Variants in SCNN1B observed in about 807,000 individuals in gnomAD.
SCNN1B encodes epithelial sodium channel subunit beta.
A neutral mutation model predicts 65.3 loss-of-function variants in SCNN1B; 46 were observed. The observed-to-expected ratio is 0.70, with a 90% confidence interval of 0.56 to 0.90. The LOEUF is 0.90. Ranked by LOEUF, SCNN1B falls within the 40% of genes least tolerant of loss-of-function variation. The pLI is 0.00. For missense variants in SCNN1B, 751 were observed against 830.5 expected (o/e 0.90, Z 1.18); for synonymous variants, 349 against 330.6 (o/e 1.06, Z -0.60).
intron 1 of SCNN1B, among the ~76,000 whole-genome samples, chr16:23,332,784 C>A (rs1961841013): frequency 6.6e-6 from 1 of 152,112 alleles, no homozygotes; most frequent in Admixed American, 6.6e-5. Flanking sequence ...GAAAAGTGGC[C>A]TTGTTGGCCA....
chr16:23,377,796 T>C (rs1255968668), intron 10 of SCNN1B, among the ~76,000 whole-genome samples: 1 of 138,072 alleles, frequency 7.2e-6, no homozygotes, highest in Admixed American at 7.3e-5. Context: ...CTTCCTTCTT[T>C]CCTTCCTTCC....
chr16:23,310,991 T>A (rs1961329355), intron 1 of SCNN1B, among the ~76,000 whole-genome samples: 1 of 151,970 alleles, frequency 6.6e-6, no homozygotes, highest in South Asian at 2.1e-4. Context: ...GATGAGGGAG[T>A]CCAGGGAGTG....
chr16:23,324,700 C>CCA (rs1380494902), intron 1 of SCNN1B, among the ~76,000 whole-genome samples: 1 of 152,148 alleles, frequency 6.6e-6, no homozygotes. Context: ...CTACCCCACC[C>CCA]CACACACACA....
intron 1 of SCNN1B, among the ~76,000 whole-genome samples, chr16:23,322,586 C>T (rs1213968068): frequency 1.3e-5 from 2 of 152,126 alleles, no homozygotes; most frequent in African/African-American, 2.4e-5. Context: ...GCTGGCATTA[C>T]AGGCGTGAGC....
At chr16:23,328,943 G>A (rs1294740167) in intron 1 of SCNN1B, among the ~76,000 whole-genome samples, 1 of 151,594 alleles carries the variant, frequency 6.6e-6, no homozygotes, top group African/African-American at 2.4e-5. Context: ...CTACAGGCAC[G>A]CACCACCATA....
chr16:23,339,195 T>A (rs13330278), intron 1 of SCNN1B, among the ~76,000 whole-genome samples: 9,308 of 152,244 alleles, frequency 0.061, 972 homozygotes, highest in African/African-American at 0.21. Context: ...GTTTTATGTA[T>A]CAATAGTTGG....
At chr16:23,291,860 C>T (rs1960930465) in intron 2 of SCNN1B, among the ~76,000 whole-genome samples, 1 of 151,724 alleles carries the variant, frequency 6.6e-6, no homozygotes, top group South Asian at 2.1e-4. Context: ...GGTTTACAGG[C>T]GTGAGCTACC....
At chr16:23,284,141 G>A (rs1022970930) in intron 2 of SCNN1B, among the ~76,000 whole-genome samples, 2 of 152,104 alleles carry the variant, frequency 1.3e-5, no homozygotes, top group African/African-American at 2.4e-5. Flanking sequence ...GCAGTGGCTC[G>A]CACCTGTAAT....
At chr16:23,363,763 A>C (rs1962597152) in intron 4 of SCNN1B, among the ~76,000 whole-genome samples, 1 of 151,736 alleles carries the variant, frequency 6.6e-6, no homozygotes, top group Non-Finnish European at 1.5e-5. Flanking sequence ...GCAGTAAGCT[A>C]TGATCACGCC....
At chr16:23,307,873 G>A (rs1277524363) in intron 1 of SCNN1B, among the ~76,000 whole-genome samples, 1 of 151,822 alleles carries the variant, frequency 6.6e-6, no homozygotes, top group Non-Finnish European at 1.5e-5. Context: ...AACATAGCAA[G>A]ACCCTACAAA....
chr16:23,379,654 T>C (rs1962995223), intron 11 of SCNN1B, among the ~76,000 whole-genome samples: 1 of 152,076 alleles, frequency 6.6e-6, no homozygotes, highest in Admixed American at 6.6e-5. Flanking sequence ...AGTGAAGAGC[T>C]CTGTGCGGAG....
At position 23,375,785 on chromosome 16, in the gene SCNN1B, C is replaced by T; in HGVS notation, c.1200C>T (p.Asn400=). 6.2e-7 allele frequency: 1 copy of T among 1,614,218 alleles called. No individual in the cohort carries two copies. Among genetic ancestry groups the T allele is most frequent in the Non-Finnish European group, 8.5e-7 (1 of 1,180,008 alleles). Residue 400 remains asparagine, a synonymous_variant, in exon 8 of 13, where the codon AAC becomes AAT. Transcript: ENST00000343070. ...CFQDHMIRNC[N]CGHYLYPLPR... Reference sequence around the variant, plus strand: ...AAGACCACATGATCCGTAACTGCAACTGTGGCCACTACCTGTACCCACTGC... The same window carrying T: ...AAGACCACATGATCCGTAACTGCAATTGTGGCCACTACCTGTACCCACTGC...
chr16:23,365,587 G>GAAAGAA (rs373917735), intron 4 of SCNN1B, among the ~76,000 whole-genome samples: 1 of 86,986 alleles, frequency 1.1e-5, no homozygotes, highest in African/African-American at 6.2e-5. Flanking sequence ...AAGAAAGAAA[G>GAAAGAA]AGAAAGAAAG....
At chr16:23,304,234 T>C (rs1961145910) in intron 1 of SCNN1B, 1 of 691,628 alleles carries the variant, frequency 1.4e-6, no homozygotes, top group African/African-American at 1.8e-5. Flanking sequence ...ACTGCTCACA[T>C]ACGGACCCAT....
intron 10 of SCNN1B, 42 bp downstream of exon 10, chr16:23,377,428 C>T (rs897784368): frequency 5.6e-6 from 9 of 1,600,760 alleles, no homozygotes; most frequent in African/African-American, 1.3e-5. Context: ...CCACCTTTGG[C>T]TGGGGACAAG....
intron 1 of SCNN1B, among the ~76,000 whole-genome samples, chr16:23,337,064 T>G (rs1299520689): frequency 6.6e-6 from 1 of 152,192 alleles, no homozygotes; most frequent in African/African-American, 2.4e-5. Context: ...TATTTATTAA[T>G]TTTTTAGACA....
chr16:23,377,114 A>C (rs747197001), intron 8 of SCNN1B, 51 bp from the exon 9 acceptor site: 1 of 1,515,626 alleles, frequency 6.6e-7, no homozygotes, highest in South Asian at 1.2e-5. Context: ...GAACAGGGGC[A>C]CCTAAAAAGC....
At position 23,315,108 on chromosome 16, in the gene SCNN1B, G is replaced by A. The variant is rs548009013; in HGVS notation, c.-9+12671G>A. On this transcript the variant is annotated intron_variant, in intron 1 of 12. Transcript: ENST00000343070. ...TCCCAGCACTTTGGGAGGCCAAGGCGGGCGGATCACCTGAGGTTGGGAGTT... is the reference window on the plus strand; with the variant it reads ...TCCCAGCACTTTGGGAGGCCAAGGCAGGCGGATCACCTGAGGTTGGGAGTT... Among the ~76,000 whole-genome samples the A allele has an allele frequency of 4.4e-3, 664 of 152,276 alleles. 2 individuals are homozygous for A. Among genetic ancestry groups the A allele is most frequent in the Admixed American group, 0.011 (169 of 15,296 alleles).
chr16:23,319,706 C>T (rs775645614), intron 1 of SCNN1B, among the ~76,000 whole-genome samples: 1 of 152,136 alleles, frequency 6.6e-6, no homozygotes, highest in Non-Finnish European at 1.5e-5. Flanking sequence ...CTGACTCTTG[C>T]TCTAGCTTTG....
Sources: gnomAD v4.1 joint callset for allele counts (sites outside exome capture counted in the v4.1 genomes callset) on GRCh38, gnomAD v4.1.1 for gene constraint, MANE v1.5 for transcripts, NCBI Gene and HGNC (gene_info 2026-07-23, HGNC 2026-07-21) for gene names.